KMT5B: variants seen among roughly 807,000 people sequenced by gnomAD.
KMT5B encodes the protein lysine methyltransferase 5B.
A neutral mutation model predicts 83.2 loss-of-function variants in KMT5B; 10 were observed. The ratio of observed to expected loss-of-function variants is 0.12; its 90% confidence interval spans 0.07 to 0.20. KMT5B has a LOEUF of 0.20. KMT5B is among the 10% of genes least tolerant of loss of function. The pLI, the probability that KMT5B is intolerant of heterozygous loss-of-function variation, is 1.00. For missense variants in KMT5B, 753 were observed against 1,067.2 expected (o/e 0.71, Z 4.10); for synonymous variants, 349 against 388.8 (o/e 0.90, Z 1.20).
At chr11:68,205,061 A>C (rs1859919500) in intron 1 of KMT5B, among the ~76,000 whole-genome samples, 1 of 152,218 alleles carries the variant, frequency 6.6e-6, no homozygotes, top group African/African-American at 2.4e-5. Context: ...GTCACAGGAA[A>C]AAAGATTTTA....
At chr11:68,191,544 G>C (rs1006898832) in intron 1 of KMT5B, among the ~76,000 whole-genome samples, 1 of 152,028 alleles carries the variant, frequency 6.6e-6, no homozygotes, top group African/African-American at 2.4e-5. Flanking sequence ...ATGTTGGCTA[G>C]GCTGGTCTCG....
At chr11:68,188,782 C>G (rs1209583097) in intron 2 of KMT5B, among the ~76,000 whole-genome samples, 1 of 152,180 alleles carries the variant, frequency 6.6e-6, no homozygotes, top group Non-Finnish European at 1.5e-5. Context: ...AGTTTGCTGA[C>G]CAGAATGAAT....
rs1009806260 is a variant in KMT5B, at chr11:68,171,812, C to T, written c.654-103G>A. 7.2e-6 allele frequency: 7 copies of T among 975,592 alleles called. No individual in the cohort carries two copies. The highest frequency in any genetic ancestry group is 1.7e-5 in the African/African-American group (1 of 60,434). 60.4% of individuals were successfully genotyped at this position (975,592 alleles called of 1,614,324 possible). A position where few individuals can be genotyped will look rare whatever the true frequency, so the allele number is the denominator to read the frequency against. On this transcript the variant is annotated intron_variant, in intron 6 of 10. Transcript: ENST00000304363. This position sits in a 1 kb window ranked among gnomAD's most constrained non-coding sequence, Gnocchi z 5.1. ...CAATAAATATCAGAAACTGAAAAGG[C>T]CTAGCTGTCTATACTTTAGTTAGCT...
chr11:68,175,278 A>C, intron 4 of KMT5B, 95 bp from the exon 5 acceptor site: 1 of 913,510 alleles, frequency 1.1e-6, no homozygotes, highest in Non-Finnish European at 1.7e-6. Context: ...AATACCCTAA[A>C]AACAGCCATG....
At chr11:68,164,294 G>A (rs4930561) in intron 10 of KMT5B, among the ~76,000 whole-genome samples, 82,225 of 152,012 alleles carry the variant, frequency 0.54, 22,497 homozygotes, top group South Asian at 0.69. Context: ...CAGTTCCTCT[G>A]TCAGCTGCTA....
chr11:68,162,089 T>C (rs1348040392), intron 10 of KMT5B, among the ~76,000 whole-genome samples: 1 of 152,202 alleles, frequency 6.6e-6, no homozygotes, highest in Non-Finnish European at 1.5e-5. Flanking sequence ...AATCACCATG[T>C]GCCGTGGAGT....
intron 2 of KMT5B, among the ~76,000 whole-genome samples, chr11:68,186,876 T>C (rs1045194341): frequency 1.2e-4 from 18 of 152,226 alleles, no homozygotes; most frequent in African/African-American, 3.9e-4. Flanking sequence ...CTGCCAAGGG[T>C]AGACATATGA....
intron 2 of KMT5B, among the ~76,000 whole-genome samples, chr11:68,188,026 CTT>C (rs1168742073): frequency 1.6e-4 from 22 of 139,354 alleles, no homozygotes; most frequent in East Asian, 2.0e-4. Context: ...TTTCCTTTTT[CTT>C]TTTTTTTTTT....
At chr11:68,173,075 C>T (rs1590961034) in intron 6 of KMT5B, among the ~76,000 whole-genome samples, 1 of 152,150 alleles carries the variant, frequency 6.6e-6, no homozygotes, top group East Asian at 1.9e-4. Context: ...GAGTCTCACT[C>T]TATTGCCCAG....
intron 2 of KMT5B, chr11:68,189,684 A>T: frequency 2.8e-6 from 1 of 358,432 alleles, no homozygotes; most frequent in Admixed American, 4.5e-5. Flanking sequence ...AATATAAAGT[A>T]ACAGACAGAA....
At chr11:68,196,852 G>T (rs79784108) in intron 1 of KMT5B, among the ~76,000 whole-genome samples, 7,724 of 152,106 alleles carry the variant, frequency 0.051, 216 homozygotes, top group African/African-American at 0.06. Context: ...GATAATCATG[G>T]AACAATGTAC....
chr11:68,204,173 T>A (rs1859782299), intron 1 of KMT5B, among the ~76,000 whole-genome samples: 1 of 152,096 alleles, frequency 6.6e-6, no homozygotes, highest in Non-Finnish European at 1.5e-5. Context: ...ACAGACACCA[T>A]CACTAAGTTT....
At chr11:68,204,626 T>G (rs1041001728) in intron 1 of KMT5B, among the ~76,000 whole-genome samples, 17 of 143,146 alleles carry the variant, frequency 1.2e-4, no homozygotes, top group Middle Eastern at 3.6e-3. Flanking sequence ...TTTTTTTTTT[T>G]TTTTTTTTTG....
At chr11:68,161,146 G>A (rs938876783) in intron 10 of KMT5B, among the ~76,000 whole-genome samples, 2 of 152,104 alleles carry the variant, frequency 1.3e-5, no homozygotes, top group African/African-American at 2.4e-5. Context: ...TTCAATTTGA[G>A]AACGAGTGAT....
chr11:68,190,744 G>A (rs1277342519), intron 1 of KMT5B, among the ~76,000 whole-genome samples: 1 of 151,886 alleles, frequency 6.6e-6, no homozygotes, highest in Non-Finnish European at 1.5e-5. Context: ...AGCACTTTGG[G>A]GGGCCATGGC....
chr11:68,157,414 T>C lies in KMT5B; in HGVS notation c.*274A>G. 6.9e-6 allele frequency: 2 copies of C among 290,222 alleles called. No homozygotes were observed. Among genetic ancestry groups the C allele is most frequent in the Non-Finnish European group, 1.2e-5 (2 of 160,886 alleles). The allele number at this position is 290,222 out of a possible 1,614,324, so 18.0% of individuals were successfully genotyped here. A position where few individuals can be genotyped will look rare whatever the true frequency, so the allele number is the denominator to read the frequency against. ...CAACGTCCTGTGTGGAAAGTTGCTATCACTGTACAATTTTGCTTGAGCCTT... is the reference window on the plus strand; with the variant it reads ...CAACGTCCTGTGTGGAAAGTTGCTACCACTGTACAATTTTGCTTGAGCCTT... On this transcript the variant is annotated 3_prime_UTR_variant, in exon 11 of 11. Coordinates refer to ENST00000304363, the MANE Select transcript of KMT5B (RefSeq NM_017635.5).
At position 68,188,661 on chromosome 11, in the gene KMT5B, A is replaced by G. The variant is rs1250142616; in HGVS notation, c.160+1256T>C. 5.3e-5 allele frequency among the ~76,000 whole-genome samples: 8 copies of G among 152,122 alleles called. No homozygotes were observed. In the East Asian group the frequency reaches 1.2e-3, roughly 22 times the overall value. On this transcript the variant is annotated intron_variant, in intron 2 of 10. Transcript: ENST00000304363. Reference sequence around the variant, plus strand: ...GGTGTGAGCTACCACGCCCAGACGCATTTTCTAAATTCTTGTGTATCTATA... The same window carrying G: ...GGTGTGAGCTACCACGCCCAGACGCGTTTTCTAAATTCTTGTGTATCTATA...
chr11:68,198,265 T>C (rs1001643034), intron 1 of KMT5B, among the ~76,000 whole-genome samples: 2 of 152,062 alleles, frequency 1.3e-5, no homozygotes, highest in Non-Finnish European at 2.9e-5. Flanking sequence ...ATGCCTGTAA[T>C]CCCAGCTACT....
rs184076493 is a variant in KMT5B at position 68,199,965 on chromosome 11, C to T, written c.-76-9813G>A. Among the ~76,000 whole-genome samples the T allele has an allele frequency of 1.2e-3, 177 of 152,244 alleles. 1 individual carries two copies. Among genetic ancestry groups the T allele is most frequent in the African/African-American group, 3.6e-3 (149 of 41,554 alleles). ...GGAAGATTGGCTTCCGCAAGGACTG[C>T]GGTGTGGGAATTTGGTTTTGGTCAT... On this transcript the variant is annotated intron_variant, in intron 1 of 10. Transcript: ENST00000304363.
Sources: gnomAD v4.1 joint callset for allele counts (sites outside exome capture counted in the v4.1 genomes callset) on GRCh38, gnomAD v4.1.1 for gene constraint, Gnocchi (gnomAD v3.1) non-coding constraint, MANE v1.5 for transcripts, NCBI Gene and HGNC (gene_info 2026-07-23, HGNC 2026-07-21) for gene names.